The following CENPI variants were observed in gnomAD, a reference collection of about 807,000 sequenced individuals.
CENPI encodes the protein FSH primary response 1.
CENPI carries 4 observed loss-of-function variants against 60.4 expected under a neutral mutation model. The observed-to-expected ratio is 0.07, with a 90% CI of 0.03 to 0.15. CENPI has a LOEUF of 0.15. Ranked by LOEUF, CENPI falls within the 10% of genes least tolerant of loss-of-function variation. CENPI has a pLI of 1.00. For synonymous variants in CENPI, 157 were observed against 189.4 expected (o/e 0.83, Z 1.40); for missense variants, 444 against 534.5 (o/e 0.83, Z 1.67).
At chrX:101,149,551 G>T (rs2089989843) in intron 20 of CENPI, among the ~76,000 whole-genome samples, 1 of 104,709 alleles carries the variant, frequency 9.6e-6, no homozygotes, top group South Asian at 4.4e-4. Context: ...CTGTCGCCCA[G>T]GCTAGAGTGC....
downstream of CENPI, among the ~76,000 whole-genome samples, chrX:101,169,280 A>C (rs1360691085): frequency 9.0e-6 from 1 of 110,956 alleles, no homozygotes. Flanking sequence ...GATGAAAAAC[A>C]ATCTACACAT....
chrX:101,159,204 C>G (rs2090082534), intron 20 of CENPI, among the ~76,000 whole-genome samples: 1 of 110,830 alleles, frequency 9.0e-6, no homozygotes, highest in Non-Finnish European at 1.9e-5. Flanking sequence ...CTCTGTCGCC[C>G]AGGCTGGAGT....
At chrX:101,178,398 C>CTTCTTTTTTTTTTTTTTTTTTTTTTT in the CENPI span, among the ~76,000 whole-genome samples, 9 of 39,976 alleles carry the variant, frequency 2.3e-4, no homozygotes, top group Non-Finnish European at 3.3e-4. Flanking sequence ...TTTTCTTCTT[C>CTTCTTTTTTTTTTTTTTTTTTTTTTT]TTTTTTTTTT....
Position 101,146,285 on chromosome X carries a change from G to A in CENPI, c.1826+8G>A, listed in dbSNP as rs368386070. 10 of 1,192,042 alleles carry A rather than the reference G, an allele frequency of 8.4e-6. No individual in the cohort carries two copies. The highest frequency in any genetic ancestry group is 9.0e-6 in the Non-Finnish European group (8 of 885,741). ...GTGTTTTATTATGCACAGGTACAAAGCCTTTTTACCATTTTATGAAACAGT... is the reference window on the plus strand; with the variant it reads ...GTGTTTTATTATGCACAGGTACAAAACCTTTTTACCATTTTATGAAACAGT... On this transcript the variant is annotated splice_region_variant and intron_variant, in intron 18 of 21. Coordinates refer to ENST00000682095, the MANE Select transcript of CENPI (RefSeq NM_001386188.2).
intron 15 of CENPI, among the ~76,000 whole-genome samples, chrX:101,138,622 A>G (rs1232675577): frequency 1.4e-4 from 15 of 105,996 alleles, no homozygotes; most frequent in Non-Finnish European, 2.7e-4. Context: ...CACCACGCCC[A>G]GCCAAGATTT....
In CENPI at chrX:101,163,227, A is replaced by C. The variant is rs764126338; in HGVS notation, c.*260A>C. On this transcript the variant is annotated 3_prime_UTR_variant, in exon 22 of 22. Transcript: ENST00000682095. ...TGCGTTCTACCAAATTGTATGTAAA[A>C]AGACACATCTGTTTTGTGGTAGGAT... 1.8e-4 allele frequency: 50 copies of C among 272,744 alleles called. No individual in the cohort carries two copies. The highest frequency in any genetic ancestry group is 1.1e-3 in the African/African-American group (37 of 34,780). 22.5% of individuals were successfully genotyped at this position (272,744 alleles called of 1,213,427 possible).
At chrX:101,175,139 T>A in the CENPI span, among the ~76,000 whole-genome samples, 1 of 112,277 alleles carries the variant, frequency 8.9e-6, no homozygotes, top group East Asian at 2.8e-4. Context: ...AGTCGAAATA[T>A]TTTTTTAAAT....
intron 18 of CENPI, among the ~76,000 whole-genome samples, chrX:101,146,625 C>T (rs1443969855): frequency 8.9e-6 from 1 of 112,062 alleles, no homozygotes; most frequent in Non-Finnish European, 1.9e-5. Context: ...GTAAAAATAA[C>T]ATTTTCTGGG....
At chrX:101,147,674 A>G (rs2089973780) in intron 18 of CENPI, 89 bp from the exon 19 acceptor site, 2 of 710,151 alleles carry the variant, frequency 2.8e-6, no homozygotes, top group African/African-American at 2.2e-5. Context: ...TTACATTTAA[A>G]ATGTATGTTT....
rs907122464 is a variant in CENPI, at chrX:101,149,663, C to T, written c.2094+1502C>T. ...CTGGGATTACAAGTGCCCACCACCA[C>T]GCCTGGCTAATTTTTATATTTTTAG... On this transcript the variant is annotated intron_variant, in intron 20 of 21. Transcript: ENST00000682095. 2.7e-5 allele frequency among the ~76,000 whole-genome samples: 3 copies of T among 110,580 alleles called. No homozygotes were observed. In the South Asian group the frequency reaches 1.2e-3, roughly 43 times the overall value.
chrX:101,120,472 GTAT>G (rs2089665649), intron 7 of CENPI, 22 bp downstream of exon 7: 1 of 809,534 alleles, frequency 1.2e-6, no homozygotes, highest in South Asian at 2.3e-5. Context: ...CATTACAGTT[GTAT>G]TATACTTTGT....
chrX:101,163,354 G>C lies in CENPI; in HGVS notation c.*387G>C, dbSNP rs1010789013. Reference sequence around the variant, plus strand: ...ACATAAACATGCAAAATACTTTGCTGTCTCTGGGGATATTGCCATTTTTCT... The same window carrying C: ...ACATAAACATGCAAAATACTTTGCTCTCTCTGGGGATATTGCCATTTTTCT... On this transcript the variant is annotated 3_prime_UTR_variant, in exon 22 of 22. Transcript: ENST00000682095. The C allele has an allele frequency of 7.0e-6, 1 of 143,169 alleles. No homozygotes were observed. The highest frequency in any genetic ancestry group is 1.3e-5 in the Non-Finnish European group (1 of 75,810). The allele number at this position is 143,169 out of a possible 1,213,427, so 11.8% of individuals were successfully genotyped here. A position where few individuals can be genotyped will look rare whatever the true frequency, so the allele number is the denominator to read the frequency against.
intron 20 of CENPI, among the ~76,000 whole-genome samples, chrX:101,151,858 CAAG>C (rs2090010666): frequency 1.0e-5 from 1 of 97,162 alleles, no homozygotes; most frequent in South Asian, 4.4e-4. Context: ...AAAAAAAAAA[CAAG>C]AACAACAAAA....
In CENPI at chrX:101,120,796, A is replaced by G; in HGVS notation, c.687+12A>G. The G allele has an allele frequency of 8.4e-7, 1 of 1,196,191 alleles. No individual in the cohort carries two copies. Among genetic ancestry groups the G allele is most frequent in the Non-Finnish European group, 1.1e-6 (1 of 882,118 alleles). ...TTCAGGCCAAAATGGTGAGTACTGA[A>G]AAGACCTAAGACCTGCCAATGTACT... On this transcript the variant is annotated intron_variant, in intron 8 of 21. Coordinates refer to ENST00000682095, the MANE Select transcript of CENPI (RefSeq NM_001386188.2).
chrX:101,104,513 A>C (rs183355643), intron 4 of CENPI, among the ~76,000 whole-genome samples: 45 of 111,459 alleles, frequency 4.0e-4, no homozygotes, highest in Middle Eastern at 4.6e-3. Context: ...AAGATGTCCA[A>C]ACTCCCATTC....
At chrX:101,147,907 G>A (rs765342174) in intron 19 of CENPI, 36 bp from the exon 20 acceptor site, 2 of 1,172,019 alleles carry the variant, frequency 1.7e-6, no homozygotes, top group East Asian at 3.0e-5. Context: ...AGGGAGAATA[G>A]GTGATAGTGA....
chrX:101,135,372 C>G (rs757593746), intron 15 of CENPI, among the ~76,000 whole-genome samples: 1 of 110,500 alleles, frequency 9.0e-6, no homozygotes, highest in South Asian at 3.8e-4. Context: ...GATAAGATTC[C>G]AAGTGATAGC....
At chrX:101,154,428 G>A (rs1008978810) in intron 20 of CENPI, among the ~76,000 whole-genome samples, 7 of 110,549 alleles carry the variant, frequency 6.3e-5, no homozygotes, top group African/African-American at 2.0e-4. Context: ...ACAAAAGTTA[G>A]CCAGGCGTGG....
chrX:101,114,244 C>T (rs111885376), intron 6 of CENPI, among the ~76,000 whole-genome samples: 1,801 of 111,617 alleles, frequency 0.016, 47 homozygotes, highest in African/African-American at 0.056. Flanking sequence ...GGGTGACGAG[C>T]GAGACTCTGT....
Sources: allele counts gnomAD v4.1 joint callset (sites outside exome capture counted in the v4.1 genomes callset), GRCh38; gene constraint gnomAD v4.1.1; transcripts MANE v1.5; gene names NCBI Gene and HGNC (gene_info 2026-07-23, HGNC 2026-07-21).